Variants in ICAM4 observed in about 807,000 individuals in gnomAD.
ICAM4 encodes intercellular adhesion molecule 4 (Landsteiner-Wiener blood group).
Under a neutral mutation model 18.8 loss-of-function variants are expected in ICAM4, and 16 were observed. That is an observed-to-expected ratio of 0.85 (90% CI 0.58 to 1.29). ICAM4 has a LOEUF of 1.29. ICAM4 is among the 50% of genes most tolerant of loss of function. ICAM4 has a pLI of 0.00. For synonymous variants in ICAM4, 163 were observed against 163.2 expected, an observed-to-expected ratio of 1.00 and a Z score of 0.01; for missense variants, 338 against 364.3, an observed-to-expected ratio of 0.93 and a Z score of 0.59.
Position 10,287,182 on chromosome 19 carries a change from T to C in ICAM4, c.170T>C (p.Val57Ala), listed in dbSNP as rs1355870909. 1 of 1,612,124 alleles carries C rather than the reference T, an allele frequency of 6.2e-7. No homozygotes were observed. The highest frequency in any genetic ancestry group is 1.3e-5 in the African/African-American group (1 of 74,924). Residue 57 changes from valine to alanine, a missense_variant, in exon 1 of 3, where the codon GTG becomes GCG. By Grantham distance (64) the Val-to-Ala change is moderately conservative (BLOSUM62 0). Coordinates refer to ENST00000380770, the MANE Select transcript of ICAM4 (RefSeq NM_001544.5). This position sits in a 1 kb window ranked among gnomAD's most constrained non-coding sequence, Gnocchi z 8.7. Reference sequence around the variant, plus strand: ...TGGGTGCGCATGAGCCCGGAGTTCGTGGCTGTGCAGCCGGGGAAGTCAGTG... The same window carrying C: ...TGGGTGCGCATGAGCCCGGAGTTCGCGGCTGTGCAGCCGGGGAAGTCAGTG... ...PFWVRMSPEF[V>A]AVQPGKSVQL... is the part of the protein sequence containing the mutation.
In ICAM4 at chr19:10,288,126, T is replaced by C; in HGVS notation, c.*22T>C. The C allele has an allele frequency of 6.2e-7, 1 of 1,614,080 alleles. No homozygotes were observed. The highest frequency in any genetic ancestry group is 2.2e-5 in the East Asian group (1 of 44,882). ...GTAAAGGGGGATGTTCTATGCCGGC[T>C]GAGCGAGAAAAAGAGGAATATGAAA... On this transcript the variant is annotated 3_prime_UTR_variant, in exon 3 of 3. Transcript: ENST00000380770.
Position 10,288,242 on chromosome 19 carries a change from G to C in ICAM4, c.*138G>C. ...GCAGGAGAATCGCTTGAGCCCAGGA[G>C]TTCGAGACCAGCCTGGACAACATAG... is the stretch of plus-strand genomic sequence containing the variant. On this transcript the variant is annotated 3_prime_UTR_variant, in exon 3 of 3. Coordinates refer to ENST00000380770, the MANE Select transcript of ICAM4 (RefSeq NM_001544.5). 4 of 1,354,824 alleles carry C rather than the reference G, an allele frequency of 3.0e-6. No homozygotes were observed. Among genetic ancestry groups the C allele is most frequent in the Non-Finnish European group, 4.2e-6 (4 of 961,462 alleles). The allele number at this position is 1,354,824 out of a possible 1,614,324, so 83.9% of individuals were successfully genotyped here.
At position 10,287,247 on chromosome 19, in the gene ICAM4, T is replaced by C. The variant is rs748456538; in HGVS notation, c.235T>C (p.Ser79Pro). ...CAACAGCTGTCCCCAGCCGCAGAAT[T>C]CCAGCCTCCGCACCCCGCTGCGGCA... is the stretch of plus-strand genomic sequence containing the variant. ...CSNSCPQPQN[S>P]SLRTPLRQGK... Residue 79 changes from serine to proline, a missense_variant, in exon 1 of 3, where the codon TCC becomes CCC. Coordinates refer to ENST00000380770, the MANE Select transcript of ICAM4 (RefSeq NM_001544.5). The surrounding 1 kb of genome is among the most constrained non-coding windows in gnomAD (Gnocchi z 8.7). 2 of 1,613,462 alleles carry C rather than the reference T, an allele frequency of 1.2e-6. No homozygotes were observed. The highest frequency in any genetic ancestry group is 2.2e-5 in the South Asian group (2 of 91,076).
rs2040125154 is a variant in ICAM4 at position 10,287,458 on chromosome 19, AG to A, written c.394+54del. 5.0e-6 allele frequency: 8 copies of A among 1,587,106 alleles called. No homozygotes were observed. Among genetic ancestry groups the A allele is most frequent in the Non-Finnish European group, 6.9e-6 (8 of 1,165,324 alleles). On this transcript the variant is annotated intron_variant, in intron 1 of 2. Coordinates refer to ENST00000380770, the MANE Select transcript of ICAM4 (RefSeq NM_001544.5). The surrounding 1 kb of genome is among the most constrained non-coding windows in gnomAD (Gnocchi z 8.7). ...TGGGGTGAGGGGAGGGGGCTGGAAG[AG>A]GTGGGGGAAGGGTAGTTGACAGTCG...
rs779310858 is a variant in ICAM4, at chr19:10,287,567, G to C, written c.426G>C (p.Pro142=). ...CCCACAGCGTGATTTTGGAGCCTCCGGTCTTAAAGGGCAGGAAATACACTT... is the reference window on the plus strand; with the variant it reads ...CCCACAGCGTGATTTTGGAGCCTCCCGTCTTAAAGGGCAGGAAATACACTT... The part of the protein sequence containing the change: ...KPPHSVILEP[P]VLKGRKYTLR... Residue 142 remains proline (P), a synonymous_variant, in exon 2 of 3, where the codon CCG becomes CCC. Transcript: ENST00000380770. The surrounding 1 kb of genome is among the most constrained non-coding windows in gnomAD (Gnocchi z 8.7). The C allele has an allele frequency of 3.7e-6, 6 of 1,613,756 alleles. No individual in the cohort carries two copies. The highest frequency in any genetic ancestry group is 5.1e-6 in the Non-Finnish European group (6 of 1,179,762).
At position 10,287,701 on chromosome 19, in the gene ICAM4, A is replaced by G; in HGVS notation, c.560A>G (p.Asp187Gly). The G allele has an allele frequency of 6.2e-7, 1 of 1,613,938 alleles. No individual in the cohort carries two copies. Among genetic ancestry groups the G allele is most frequent in the Non-Finnish European group, 8.5e-7 (1 of 1,179,978 alleles). ...SESLERFTGL[D>G]LANVTLTYEF... ...AGCCTGGAGCGCTTCACCGGCCTGG[A>G]TCTGGCCAACGTGACCTTGACCTAC... is the stretch of plus-strand genomic sequence containing the variant. Residue 187 changes from aspartate (D) to glycine (G), a missense_variant, in exon 2 of 3, where the codon GAT becomes GGT. Physicochemically the swap from Asp to Gly is moderately conservative, Grantham distance 94. Coordinates refer to ENST00000380770, the MANE Select transcript of ICAM4 (RefSeq NM_001544.5). This position sits in a 1 kb window ranked among gnomAD's most constrained non-coding sequence, Gnocchi z 8.7.
rs55695233 is a variant in ICAM4 at position 10,288,246 on chromosome 19, G to A, written c.*142G>A. ...GAGAATCGCTTGAGCCCAGGAGTTC[G>A]AGACCAGCCTGGACAACATAGTGAG... On this transcript the variant is annotated 3_prime_UTR_variant, in exon 3 of 3. Coordinates refer to ENST00000380770, the MANE Select transcript of ICAM4 (RefSeq NM_001544.5). 2.3e-6 allele frequency: 3 copies of A among 1,324,180 alleles called. No individual in the cohort carries two copies. Among genetic ancestry groups the A allele is most frequent in the Admixed American group, 3.8e-5 (2 of 52,334 alleles). The allele number at this position is 1,324,180 out of a possible 1,614,324, so 82.0% of individuals were successfully genotyped here.
rs376984546 is a variant in ICAM4, at chr19:10,288,430, A to G, written c.*326A>G. 32 of 515,552 alleles carry G rather than the reference A, an allele frequency of 6.2e-5. No homozygotes were observed. The highest frequency in any genetic ancestry group is 5.6e-4 in the African/African-American group (29 of 52,222). 31.9% of individuals were successfully genotyped at this position (515,552 alleles called of 1,614,324 possible). Reference sequence around the variant, plus strand: ...GCCACTGCACTCCAGCCTGGGGGACAGAGCACGACCCTGTCTCCAAAAATA... The same window carrying G: ...GCCACTGCACTCCAGCCTGGGGGACGGAGCACGACCCTGTCTCCAAAAATA... On this transcript the variant is annotated 3_prime_UTR_variant, in exon 3 of 3. Transcript: ENST00000380770.
At position 10,287,058 on chromosome 19, in the gene ICAM4, G is replaced by A; in HGVS notation, c.46G>A (p.Ala16Thr). 1.9e-6 allele frequency: 3 copies of A among 1,569,206 alleles called. No individual in the cohort carries two copies. The highest frequency in any genetic ancestry group is 2.6e-6 in the Non-Finnish European group (3 of 1,156,766). The change falls in exon 1 of 3, where the codon GCC becomes ACC. Residue 16 changes from alanine to threonine, a missense_variant. Transcript: ENST00000380770. This position sits in a 1 kb window ranked among gnomAD's most constrained non-coding sequence, Gnocchi z 8.7. Reference sequence around the variant, plus strand: ...GTCGCTGCTGTTTTTTTTGGCGGCCGCCTACCCGGGAGTTGGGAGCGCGCT... The same window carrying A: ...GTCGCTGCTGTTTTTTTTGGCGGCCACCTACCCGGGAGTTGGGAGCGCGCT... ...PLSLLFFLAA[A>T]YPGVGSALGR...
Position 10,287,832 on chromosome 19 carries a change from A to G in ICAM4, c.691A>G (p.Met231Val), listed in dbSNP as rs766820266. 143 of 1,610,870 alleles carry G rather than the reference A, an allele frequency of 8.9e-5. No individual in the cohort carries two copies. Among genetic ancestry groups the G allele is most frequent in the Non-Finnish European group, 1.2e-4 (139 of 1,179,888 alleles). The change falls in exon 2 of 3, where the codon ATG (methionine) becomes GTG (valine). Residue 231 changes from methionine (M) to valine (V), a missense_variant. Coordinates refer to ENST00000380770, the MANE Select transcript of ICAM4 (RefSeq NM_001544.5). The surrounding 1 kb of genome is among the most constrained non-coding windows in gnomAD (Gnocchi z 8.7). Reference sequence around the variant, plus strand: ...CAACAGCTCGGCACCCATTACACTGATGCTCGGTGAGGCACCCCTGTAACC... The same window carrying G: ...CAACAGCTCGGCACCCATTACACTGGTGCTCGGTGAGGCACCCCTGTAACC... The part of the protein sequence containing the change: ...VRNSSAPITL[M>V]LAWSPAPTAL...
rs557626088 is a variant in ICAM4, at chr19:10,288,449, A to C, written c.*345A>C. 3.0e-5 allele frequency: 13 copies of C among 430,416 alleles called. No homozygotes were observed. The South Asian group carries it at 3.7e-4, about 12-fold the overall frequency. The allele number at this position is 430,416 out of a possible 1,614,324, so 26.7% of individuals were successfully genotyped here. ...GGGGACAGAGCACGACCCTGTCTCC[A>C]AAAATAAAATAAAAATAAAAATAAA... On this transcript the variant is annotated 3_prime_UTR_variant, in exon 3 of 3. Coordinates refer to ENST00000380770, the MANE Select transcript of ICAM4 (RefSeq NM_001544.5).
rs368381909 is a variant in ICAM4 at position 10,286,969 on chromosome 19, C to T, written c.-44C>T. 13 of 1,466,218 alleles carry T rather than the reference C, an allele frequency of 8.9e-6. No homozygotes were observed. Among genetic ancestry groups the T allele is most frequent in the Middle Eastern group, 2.4e-4 (1 of 4,250 alleles). The allele number at this position is 1,466,218 out of a possible 1,614,324, so 90.8% of individuals were successfully genotyped here. ...CGGGCCTCCTTATCTCTAGAGCCGG[C>T]CCTGGCTCTCTGGCGCGGGGCCCCT... On this transcript the variant is annotated 5_prime_UTR_variant, in exon 1 of 3. Transcript: ENST00000380770.
In ICAM4 at chr19:10,287,864, A is replaced by T; in HGVS notation, c.697+26A>T. On this transcript the variant is annotated intron_variant, in intron 2 of 2. Transcript: ENST00000380770. The surrounding 1 kb of genome is among the most constrained non-coding windows in gnomAD (Gnocchi z 8.7). ...GTGAGGCACCCCTGTAACCCTGGGG[A>T]CTAGGAGGAAGGGGGCAGAGAGAGT... 1 of 1,608,216 alleles carries T rather than the reference A, an allele frequency of 6.2e-7. No homozygotes were observed. The highest frequency in any genetic ancestry group is 8.5e-7 in the Non-Finnish European group (1 of 1,179,044).
Position 10,288,436 on chromosome 19 carries a change from C to G in ICAM4, c.*332C>G, listed in dbSNP as rs191098583. 6.1e-6 allele frequency: 3 copies of G among 493,786 alleles called. No homozygotes were observed. Among genetic ancestry groups the G allele is most frequent in the Non-Finnish European group, 7.3e-6 (2 of 274,932 alleles). 30.6% of individuals were successfully genotyped at this position (493,786 alleles called of 1,614,324 possible). On this transcript the variant is annotated 3_prime_UTR_variant, in exon 3 of 3. Transcript: ENST00000380770. ...GCACTCCAGCCTGGGGGACAGAGCA[C>G]GACCCTGTCTCCAAAAATAAAATAA...
chr19:10,287,773 A>G lies in ICAM4; in HGVS notation c.632A>G (p.His211Arg), dbSNP rs745781332. Residue 211 changes from histidine to arginine, a missense_variant, in exon 2 of 3, where the codon CAC becomes CGC. Physicochemically the swap from His to Arg is conservative, Grantham distance 29. Transcript: ENST00000380770. This position sits in a 1 kb window ranked among gnomAD's most constrained non-coding sequence, Gnocchi z 8.7. ...PRDFWQPVICHARLNLDGLVV... is the reference protein window; with the variant it reads ...PRDFWQPVICRARLNLDGLVV... ...GACTTCTGGCAGCCCGTGATCTGCC[A>G]CGCGCGCCTCAATCTCGACGGCCTG... 9 of 1,613,560 alleles carry G rather than the reference A, an allele frequency of 5.6e-6. No individual in the cohort carries two copies. The highest frequency in any genetic ancestry group is 7.6e-6 in the Non-Finnish European group (9 of 1,179,996).
chr19:10,288,008 T>A lies in ICAM4; in HGVS notation c.720T>A (p.Ala240=), dbSNP rs2040134386. Residue 240 remains alanine (A), a synonymous_variant, in exon 3 of 3, where the codon GCT becomes GCA. Coordinates refer to ENST00000380770, the MANE Select transcript of ICAM4 (RefSeq NM_001544.5). ...LMLAWSPAPT[A]LASGSIAALV... ...CAGCTTGGAGCCCCGCGCCCACAGCTTTGGCCTCCGGTTCCATCGCTGCCC... is the reference window on the plus strand; with the variant it reads ...CAGCTTGGAGCCCCGCGCCCACAGCATTGGCCTCCGGTTCCATCGCTGCCC... The A allele has an allele frequency of 1.9e-6, 3 of 1,614,038 alleles. No homozygotes were observed. Among genetic ancestry groups the A allele is most frequent in the Non-Finnish European group, 2.5e-6 (3 of 1,180,012 alleles).
In ICAM4 at chr19:10,287,830, T is replaced by C. The variant is rs1328645422; in HGVS notation, c.689T>C (p.Leu230Pro). ...CGCAACAGCTCGGCACCCATTACAC[T>C]GATGCTCGGTGAGGCACCCCTGTAA... Reference protein sequence around the residue: ...VVRNSSAPITLMLAWSPAPTA... With the variant: ...VVRNSSAPITPMLAWSPAPTA... The change falls in exon 2 of 3, where the codon CTG (leucine) becomes CCG (proline). Residue 230 changes from leucine (L) to proline (P), a missense_variant. Transcript: ENST00000380770. This position sits in a 1 kb window ranked among gnomAD's most constrained non-coding sequence, Gnocchi z 8.7. 6.2e-7 allele frequency: 1 copy of C among 1,610,760 alleles called. No homozygotes were observed. Among genetic ancestry groups the C allele is most frequent in the East Asian group, 2.2e-5 (1 of 44,888 alleles).
chr19:10,287,666 C>G lies in ICAM4; in HGVS notation c.525C>G (p.Ile175Met), dbSNP rs2040129275. ...VVTLRHGSRVIYSESLERFTG... is the reference protein window; with the variant it reads ...VVTLRHGSRVMYSESLERFTG... ...CCCTGAGGCATGGAAGCCGGGTCAT[C>G]TATTCCGAAAGCCTGGAGCGCTTCA... The change falls in exon 2 of 3, where the codon ATC becomes ATG. Residue 175 changes from isoleucine to methionine, a missense_variant. Coordinates refer to ENST00000380770, the MANE Select transcript of ICAM4 (RefSeq NM_001544.5). This position sits in a 1 kb window ranked among gnomAD's most constrained non-coding sequence, Gnocchi z 8.7. The G allele has an allele frequency of 6.2e-7, 1 of 1,614,032 alleles. No homozygotes were observed. Among genetic ancestry groups the G allele is most frequent in the Admixed American group, 1.7e-5 (1 of 60,000 alleles).
chr19:10,288,403 G>A lies in ICAM4; in HGVS notation c.*299G>A, dbSNP rs1276202945. ...GTCGAGGTTGCAGTGAGCCTTGATC[G>A]TGCCACTGCACTCCAGCCTGGGGGA... On this transcript the variant is annotated 3_prime_UTR_variant, in exon 3 of 3. Transcript: ENST00000380770. The A allele has an allele frequency of 7.3e-6, 4 of 549,644 alleles. No homozygotes were observed. The East Asian group carries it at 9.8e-5, about 13-fold the overall frequency. 34.0% of individuals were successfully genotyped at this position (549,644 alleles called of 1,614,324 possible). A position where few individuals can be genotyped will look rare whatever the true frequency, so the allele number is the denominator to read the frequency against.
Sources: gnomAD v4.1 joint callset for allele counts on GRCh38, gnomAD v4.1.1 for gene constraint, Gnocchi (gnomAD v3.1) non-coding constraint, MANE v1.5 for transcripts, NCBI Gene and HGNC (gene_info 2026-07-23, HGNC 2026-07-21) for gene names.